LYNX1: variants seen among roughly 807,000 people sequenced by gnomAD.
LYNX1 encodes the protein Ly6/neurotoxin 1, also known as ly-6/neurotoxin-like protein 1.
A neutral mutation model predicts 8.3 loss-of-function variants in LYNX1; 8 were observed. The ratio of observed to expected loss-of-function variants is 0.97; its 90% CI spans 0.57 to 1.74. The LOEUF is 1.74. Ranked by LOEUF, LYNX1 falls within the 40% of genes most tolerant of loss-of-function variation. The pLI, the probability that LYNX1 is intolerant of heterozygous loss-of-function variation, is 0.00. For synonymous variants in LYNX1, 73 were observed against 67.9 expected, an observed-to-expected ratio of 1.08 and a Z score of -0.37; for missense variants, 158 against 159.7, an observed-to-expected ratio of 0.99 and a Z score of 0.06.
Position 142,773,293 on chromosome 8 carries a change from C to T in LYNX1, c.*1874G>A. On this transcript the variant is annotated 3_prime_UTR_variant, in exon 4 of 4. Transcript: ENST00000652477. ...GGGAGCTCTGGGAGGCACCTGGCAG[C>T]CTCCCAGACACCCCGGGCCGGTCCT... 1 of 985,376 alleles carries T rather than the reference C, an allele frequency of 1.0e-6. No individual in the cohort carries two copies. The highest frequency in any genetic ancestry group is 1.2e-6 in the Non-Finnish European group (1 of 829,938). 61.0% of individuals were successfully genotyped at this position (985,376 alleles called of 1,614,324 possible). A position where few individuals can be genotyped will look rare whatever the true frequency, so the allele number is the denominator to read the frequency against.
intron 3 of LYNX1, 73 bp from the exon 4 acceptor site, chr8:142,775,436 C>T: frequency 1.9e-6 from 3 of 1,588,576 alleles, no homozygotes; most frequent in East Asian, 4.5e-5. Flanking sequence ...ACCCCAGCAT[C>T]CACAGCCATC....
Position 142,773,817 on chromosome 8 carries a change from T to G in LYNX1, c.*1350A>C. On this transcript the variant is annotated 3_prime_UTR_variant, in exon 4 of 4. Transcript: ENST00000652477. ...ACCATCCTGCCCATGCGGGATGGCTTGAAGGGTTTCTCAGGACACCAGAGC... is the reference window on the plus strand; with the variant it reads ...ACCATCCTGCCCATGCGGGATGGCTGGAAGGGTTTCTCAGGACACCAGAGC... 7.1e-6 allele frequency: 7 copies of G among 985,318 alleles called. No homozygotes were observed. Among genetic ancestry groups the G allele is most frequent in the Non-Finnish European group, 8.4e-6 (7 of 829,898 alleles). The allele number at this position is 985,318 out of a possible 1,614,324, so 61.0% of individuals were successfully genotyped here. A position where few individuals can be genotyped will look rare whatever the true frequency, so the allele number is the denominator to read the frequency against.
At position 142,775,895 on chromosome 8, in the gene LYNX1, G is replaced by C. The variant is rs761892633; in HGVS notation, c.52+11C>G. On this transcript the variant is annotated intron_variant, in intron 2 of 3. Transcript: ENST00000652477. ...GGGTCTGCCCATCCCTCTGTCCTTT[G>C]TCCATCTTACCCAGAGGTAAGCCCA... is the stretch of plus-strand genomic sequence containing the variant. The C allele has an allele frequency of 6.8e-6, 11 of 1,614,140 alleles. No individual in the cohort carries two copies. The highest frequency in any genetic ancestry group is 6.6e-5 in the South Asian group (6 of 91,086).
rs1815253148 is a variant in LYNX1 at position 142,773,176 on chromosome 8, C to G, written c.*1991G>C. ...CTTAGGAGCCCAAAGCCGCCTCCCT[C>G]CCGGTAAGCATCCCAAGGCATCGCT... On this transcript the variant is annotated 3_prime_UTR_variant, in exon 4 of 4. Coordinates refer to ENST00000652477, the MANE Select transcript of LYNX1 (RefSeq NM_177477.4). The G allele has an allele frequency of 3.0e-6, 3 of 985,686 alleles. No homozygotes were observed. The South Asian group carries it at 1.4e-4, about 46-fold the overall frequency. The allele number at this position is 985,686 out of a possible 1,614,324, so 61.1% of individuals were successfully genotyped here.
At position 142,773,782 on chromosome 8, in the gene LYNX1, T is replaced by A; in HGVS notation, c.*1385A>T. 1 of 985,230 alleles carries A rather than the reference T, an allele frequency of 1.0e-6. No individual in the cohort carries two copies. Among genetic ancestry groups the A allele is most frequent in the Non-Finnish European group, 1.2e-6 (1 of 829,894 alleles). The allele number at this position is 985,230 out of a possible 1,614,324, so 61.0% of individuals were successfully genotyped here. On this transcript the variant is annotated 3_prime_UTR_variant, in exon 4 of 4. Coordinates refer to ENST00000652477, the MANE Select transcript of LYNX1 (RefSeq NM_177477.4). Reference sequence around the variant, plus strand: ...TTGGGGCCGGGACAATCCTACCACATGGATATGTCACCATCCTGCCCATGC... The same window carrying A: ...TTGGGGCCGGGACAATCCTACCACAAGGATATGTCACCATCCTGCCCATGC...
In LYNX1 at chr8:142,771,474, G is replaced by A. The variant is rs1815174123; in HGVS notation, c.*3693C>T. 2 of 985,456 alleles carry A rather than the reference G, an allele frequency of 2.0e-6. No individual in the cohort carries two copies. Among genetic ancestry groups the A allele is most frequent in the Non-Finnish European group, 2.4e-6 (2 of 829,970 alleles). The allele number at this position is 985,456 out of a possible 1,614,324, so 61.0% of individuals were successfully genotyped here. On this transcript the variant is annotated 3_prime_UTR_variant, in exon 4 of 4. Transcript: ENST00000652477. Reference sequence around the variant, plus strand: ...GGAAGCTGGCAGGGCTGTCCACAGGGAGGACCCCCGTGTGTCTCTCGGGCT... The same window carrying A: ...GGAAGCTGGCAGGGCTGTCCACAGGAAGGACCCCCGTGTGTCTCTCGGGCT...
chr8:142,777,036 C>T (rs1196006880), intron 1 of LYNX1, 70 bp downstream of exon 1: 1 of 152,270 alleles, frequency 6.6e-6, no homozygotes, highest in Non-Finnish European at 1.5e-5. Context: ...GAGAGCCCCG[C>T]CCCAAACACT....
upstream of LYNX1, chr8:142,777,399 C>G (rs1453267503): frequency 2.2e-5 from 2 of 91,412 alleles, 1 homozygote; most frequent in African/African-American, 1.0e-4. Context: ...GGGCTACTCA[C>G]CAAGCCGCGC....
At chr8:142,775,725 G>A (rs1450589134) in intron 2 of LYNX1, 31 bp from the exon 3 acceptor site, 13 of 1,561,310 alleles carry the variant, frequency 8.3e-6, no homozygotes, top group Admixed American at 5.7e-5. Context: ...GGAAGGGAAC[G>A]GGGGTCACAG....
At position 142,772,465 on chromosome 8, in the gene LYNX1, C is replaced by G. The variant is rs946352358; in HGVS notation, c.*2702G>C. On this transcript the variant is annotated 3_prime_UTR_variant, in exon 4 of 4. Transcript: ENST00000652477. The stretch of plus-strand genomic sequence containing the variant: ...CCTCCCCCTTCCCAGGCTTGGGGGT[C>G]CAAGGAACCCCAGCTGGTGGGAGAA... The G allele has an allele frequency of 2.0e-6, 2 of 985,366 alleles. No individual in the cohort carries two copies. Among genetic ancestry groups the G allele is most frequent in the African/African-American group, 3.5e-5 (2 of 57,246 alleles). The allele number at this position is 985,366 out of a possible 1,614,324, so 61.0% of individuals were successfully genotyped here.
At chr8:142,776,271 A>C (rs1321333389) in intron 1 of LYNX1, 150 bp from the exon 2 acceptor site, 1 of 468,916 alleles carries the variant, frequency 2.1e-6, no homozygotes, top group Non-Finnish European at 4.0e-6. Flanking sequence ...GGGATGGGAC[A>C]AGAAGGGAGA....
chr8:142,775,972 G>A lies in LYNX1; in HGVS notation c.-15C>T, dbSNP rs369278831. ...AGGGGCGTCATGGCTGCAGGCAGGA[G>A]GGCAGCGTGGGAGTGGGGAGGTCAA... On this transcript the variant is annotated 5_prime_UTR_variant, in exon 2 of 4. Transcript: ENST00000652477. The A allele has an allele frequency of 2.2e-5, 36 of 1,613,666 alleles. No homozygotes were observed. The African/African-American group carries it at 3.9e-4, about 17-fold the overall frequency.
chr8:142,775,901 C>G lies in LYNX1; in HGVS notation c.52+5G>C, dbSNP rs1451055838. ...GCCCATCCCTCTGTCCTTTGTCCAT[C>G]TTACCCAGAGGTAAGCCCATGAGGA... On this transcript the variant is annotated splice_donor_5th_base_variant and intron_variant, in intron 2 of 3. Transcript: ENST00000652477. 7 of 1,614,180 alleles carry G rather than the reference C, an allele frequency of 4.3e-6. No homozygotes were observed. The highest frequency in any genetic ancestry group is 5.1e-6 in the Non-Finnish European group (6 of 1,180,018).
chr8:142,777,100 C>T lies in LYNX1; in HGVS notation c.-165+6G>A, dbSNP rs1815453828. 6.6e-6 allele frequency: 1 copy of T among 152,186 alleles called. No homozygotes were observed. Among genetic ancestry groups the T allele is most frequent in the South Asian group, 2.1e-4 (1 of 4,830 alleles). The allele number at this position is 152,186 out of a possible 1,614,324, so 9.4% of individuals were successfully genotyped here. A position where few individuals can be genotyped will look rare whatever the true frequency, so the allele number is the denominator to read the frequency against. ...GGCGCGAGCGGGACTATCAGGGTGA[C>T]CTCACCTGTGACCTTCACCACCGTG... On this transcript the variant is annotated splice_donor_region_variant and intron_variant, in intron 1 of 3. Coordinates refer to ENST00000652477, the MANE Select transcript of LYNX1 (RefSeq NM_177477.4).
rs1815386131 is a variant in LYNX1, at chr8:142,775,613, T to G, written c.134A>C (p.Tyr45Ser). ...CTCACAGGTGCGCGTGGTCATGCAG[T>G]AGGCAACCATAGCCGGGCAGCGCAT... ...NPMRCPAMVA[Y>S]CMTTRTYYTP... Residue 45 changes from tyrosine to serine, a missense_variant, in exon 3 of 4, where the codon TAC (tyrosine) becomes TCC (serine). By Grantham distance (144) the Tyr-to-Ser change is moderately radical. Coordinates refer to ENST00000652477, the MANE Select transcript of LYNX1 (RefSeq NM_177477.4). 6.3e-7 allele frequency: 1 copy of G among 1,598,276 alleles called. No homozygotes were observed. The highest frequency in any genetic ancestry group is 2.3e-5 in the East Asian group (1 of 44,196).
In LYNX1 at chr8:142,774,671, C is replaced by T. The variant is rs116459883; in HGVS notation, c.*496G>A. On this transcript the variant is annotated 3_prime_UTR_variant, in exon 4 of 4. Transcript: ENST00000652477. Reference sequence around the variant, plus strand: ...CTCCTCCCACAGCCCTGATCCCGTACCGGTCCTGGCAGCTCCTGGCCTCAG... The same window carrying T: ...CTCCTCCCACAGCCCTGATCCCGTATCGGTCCTGGCAGCTCCTGGCCTCAG... 104 of 991,662 alleles carry T rather than the reference C, an allele frequency of 1.0e-4. No homozygotes were observed. In the African/African-American group the frequency reaches 1.7e-3, roughly 16 times the overall value. The allele number at this position is 991,662 out of a possible 1,614,324, so 61.4% of individuals were successfully genotyped here. A position where few individuals can be genotyped will look rare whatever the true frequency, so the allele number is the denominator to read the frequency against.
intron 1 of LYNX1, chr8:142,776,688 T>A (rs963516676): frequency 1.3e-5 from 2 of 152,594 alleles, no homozygotes; most frequent in Admixed American, 1.3e-4. Flanking sequence ...CCAGCAGGGA[T>A]GAGCTGTGCC....
rs770758230 is a variant in LYNX1 at position 142,772,565 on chromosome 8, G to A, written c.*2602C>T. On this transcript the variant is annotated 3_prime_UTR_variant, in exon 4 of 4. Transcript: ENST00000652477. ...TGTGGGGCAGCTACTTCACCTCCCT[G>A]TGCCTCTGTGTCCTCCTCTGTCAAA... 157 of 985,454 alleles carry A rather than the reference G, an allele frequency of 1.6e-4. No individual in the cohort carries two copies. The highest frequency in any genetic ancestry group is 1.8e-4 in the Non-Finnish European group (153 of 830,034). 61.0% of individuals were successfully genotyped at this position (985,454 alleles called of 1,614,324 possible).
At position 142,773,832 on chromosome 8, in the gene LYNX1, G is replaced by C; in HGVS notation, c.*1335C>G. ...CGGGATGGCTTGAAGGGTTTCTCAG[G>C]ACACCAGAGCTGGGAGCACTGGTCA... On this transcript the variant is annotated 3_prime_UTR_variant, in exon 4 of 4. Transcript: ENST00000652477. 2.0e-6 allele frequency: 2 copies of C among 985,408 alleles called. No individual in the cohort carries two copies. The highest frequency in any genetic ancestry group is 2.4e-6 in the Non-Finnish European group (2 of 829,920). 61.0% of individuals were successfully genotyped at this position (985,408 alleles called of 1,614,324 possible).
Sources: gnomAD v4.1 joint callset for allele counts on GRCh38, gnomAD v4.1.1 for gene constraint, MANE v1.5 for transcripts, NCBI Gene and HGNC (gene_info 2026-07-23, HGNC 2026-07-21) for gene names.